The following NR3C1 variants were observed in gnomAD, a reference collection of about 807,000 sequenced individuals.
NR3C1 encodes nuclear receptor subfamily 3 group C member 1, also known as glucocorticoid receptor.
Under a neutral mutation model 74.0 loss-of-function variants are expected in NR3C1, and 14 were observed. The ratio of observed to expected loss-of-function variants is 0.19; its 90% CI spans 0.12 to 0.30. The LOEUF is 0.30. Among genes scored for constraint, NR3C1 ranks in the 10% least tolerant of loss-of-function variants. The pLI is 1.00. For missense variants in NR3C1, 695 were observed against 909.8 expected, an observed-to-expected ratio of 0.76 and a Z score of 3.04; for synonymous variants, 308 against 332.5, an observed-to-expected ratio of 0.93 and a Z score of 0.80.
At chr5:143,357,208 A>T (rs1306854111) in intron 2 of NR3C1, among the ~76,000 whole-genome samples, 2 of 152,206 alleles carry the variant, frequency 1.3e-5, no homozygotes, top group African/African-American at 4.8e-5. Context: ...TCAACATGGT[A>T]AATAGCTTGA....
intron 4 of NR3C1, among the ~76,000 whole-genome samples, chr5:143,308,164 C>A (rs1820065769): frequency 1.3e-5 from 2 of 152,092 alleles, no homozygotes; most frequent in East Asian, 1.9e-4. Context: ...TCTCTCCTAT[C>A]AAAAGAACCA....
chr5:143,340,118 A>T (rs1474785519), intron 2 of NR3C1, among the ~76,000 whole-genome samples: 1 of 152,164 alleles, frequency 6.6e-6, no homozygotes, highest in Admixed American at 6.5e-5. Flanking sequence ...TATACACAAT[A>T]GATATGGGAC....
At chr5:143,415,863 C>G in intron 1 of NR3C1, among the ~76,000 whole-genome samples, 1 of 152,144 alleles carries the variant, frequency 6.6e-6, no homozygotes. Flanking sequence ...CACTACAGCT[C>G]ATTTTCTACT....
chr5:143,425,691 G>A (rs958552289), intron 1 of NR3C1, among the ~76,000 whole-genome samples: 1 of 151,898 alleles, frequency 6.6e-6, no homozygotes, highest in Non-Finnish European at 1.5e-5. Context: ...TACCCACTAG[G>A]ACAGCAATAA....
Position 143,365,432 on chromosome 5 carries a change from C to T in NR3C1, c.1184+34224G>A, listed in dbSNP as rs560750922. On this transcript the variant is annotated intron_variant, in intron 2 of 8. Coordinates refer to ENST00000394464, the MANE Select transcript of NR3C1 (RefSeq NM_000176.3). Reference sequence around the variant, plus strand: ...TAAGATAAAAATTGTTCTTATAGGGCACTGTATAATGATAAAAGAATCAAT... The same window carrying T: ...TAAGATAAAAATTGTTCTTATAGGGTACTGTATAATGATAAAAGAATCAAT... Among the ~76,000 whole-genome samples the T allele has an allele frequency of 2.6e-5, 4 of 152,216 alleles. No individual in the cohort carries two copies. In the East Asian group the frequency reaches 5.8e-4, roughly 22 times the overall value.
Position 143,294,122 on chromosome 5 carries a change from AAC to A in NR3C1, c.2023+1336_2023+1337del. ...TTTTGTTGAGCAAAAATAGTGTGAA[AAC>A]ATTAAGATGAATGTGCGCTTTGGAA... On this transcript the variant is annotated intron_variant, in intron 7 of 8. Transcript: ENST00000394464. The A allele has an allele frequency of 5.1e-6, 5 of 985,172 alleles. No homozygotes were observed. In the South Asian group the frequency reaches 2.3e-4, roughly 46 times the overall value. The allele number at this position is 985,172 out of a possible 1,614,324, so 61.0% of individuals were successfully genotyped here.
At chr5:143,383,178 T>G (rs1340901241) in intron 2 of NR3C1, among the ~76,000 whole-genome samples, 1 of 152,230 alleles carries the variant, frequency 6.6e-6, no homozygotes, top group Non-Finnish European at 1.5e-5. Flanking sequence ...CAACTAAAGC[T>G]TTGTCCACTG....
chr5:143,329,924 T>C (rs1412669299), intron 2 of NR3C1, among the ~76,000 whole-genome samples: 2 of 152,212 alleles, frequency 1.3e-5, no homozygotes, highest in Non-Finnish European at 2.9e-5. Context: ...TACTAAAAAA[T>C]GTATTGTGGT....
In NR3C1 at chr5:143,333,117, C is replaced by T. The variant is rs964906803; in HGVS notation, c.1185-18949G>A. On this transcript the variant is annotated intron_variant, in intron 2 of 8. Coordinates refer to ENST00000394464, the MANE Select transcript of NR3C1 (RefSeq NM_000176.3). ...TTTCCAGGAGATCTCATGGTTCTTGCGCCCTTTCCACCTCTCAGTGGCCCA... is the reference window on the plus strand; with the variant it reads ...TTTCCAGGAGATCTCATGGTTCTTGTGCCCTTTCCACCTCTCAGTGGCCCA... 3.0e-5 allele frequency: 48 copies of T among 1,592,178 alleles called. No homozygotes were observed. The Middle Eastern group carries it at 1.4e-3, about 45-fold the overall frequency.
At chr5:143,349,775 T>C (rs1352395309) in intron 2 of NR3C1, among the ~76,000 whole-genome samples, 2 of 152,076 alleles carry the variant, frequency 1.3e-5, no homozygotes, top group African/African-American at 4.8e-5. Context: ...GAACCTTTGC[T>C]CTCCCAAAAC....
At chr5:143,423,981 A>T (rs1207009370) in intron 1 of NR3C1, among the ~76,000 whole-genome samples, 2 of 144,516 alleles carry the variant, frequency 1.4e-5, no homozygotes, top group African/African-American at 5.1e-5. Flanking sequence ...GTTTAACCGC[A>T]TATTCTCACT....
In NR3C1 at chr5:143,281,890, C is replaced by A; in HGVS notation, c.2333G>T (p.Ter778LeuextTer3). The A allele has an allele frequency of 6.2e-7, 1 of 1,613,032 alleles. No individual in the cohort carries two copies. The highest frequency in any genetic ancestry group is 8.5e-7 in the Non-Finnish European group (1 of 1,179,344). The stretch of plus-strand genomic sequence containing the variant: ...AGGCAACCATTCTTATTAAGGCAGT[C>A]ACTTTTGATGAAACAGAAGTTTTTT... ...NIKKLLFHQK[*>L] Residue 778 changes from the stop codon to leucine, a stop_lost, in exon 9 of 9, where the codon TGA (stop) becomes TTA (leucine). Coordinates refer to ENST00000394464, the MANE Select transcript of NR3C1 (RefSeq NM_000176.3).
intron 1 of NR3C1, among the ~76,000 whole-genome samples, chr5:143,421,245 C>T (rs1751214754): frequency 6.6e-6 from 1 of 152,144 alleles, no homozygotes; most frequent in Non-Finnish European, 1.5e-5. Context: ...TCCTAACACT[C>T]CTGCCAAAGT....
chr5:143,397,473 T>G (rs1414762505), intron 2 of NR3C1, among the ~76,000 whole-genome samples: 1 of 151,906 alleles, frequency 6.6e-6, no homozygotes, highest in Non-Finnish European at 1.5e-5. Flanking sequence ...ACTAATTCAA[T>G]GATGGTTTAA....
chr5:143,416,611 C>G (rs1238910893), intron 1 of NR3C1, among the ~76,000 whole-genome samples: 4 of 152,140 alleles, frequency 2.6e-5, no homozygotes, highest in African/African-American at 9.7e-5. Flanking sequence ...CCTCTTCAGC[C>G]AGCTGGAGTT....
intron 1 of NR3C1, among the ~76,000 whole-genome samples, chr5:143,429,112 A>G (rs1157728184): frequency 6.6e-6 from 1 of 152,214 alleles, no homozygotes; most frequent in Admixed American, 6.5e-5. Flanking sequence ...ATAAATAACA[A>G]TGATAATAAT....
chr5:143,433,162 C>T (rs982551061), intron 1 of NR3C1, among the ~76,000 whole-genome samples: 1 of 151,838 alleles, frequency 6.6e-6, no homozygotes, highest in African/African-American at 2.4e-5. Flanking sequence ...ATGATATACC[C>T]CAAAGGCAAC....
intron 2 of NR3C1, among the ~76,000 whole-genome samples, chr5:143,360,732 C>A (rs549895288): frequency 1.2e-4 from 18 of 152,286 alleles, no homozygotes; most frequent in African/African-American, 4.1e-4. Flanking sequence ...GGACACTGTT[C>A]CACCTAATGA....
chr5:143,307,309 G>A (rs1036090088), intron 4 of NR3C1, among the ~76,000 whole-genome samples: 4 of 152,148 alleles, frequency 2.6e-5, no homozygotes, highest in African/African-American at 9.7e-5. Flanking sequence ...GTCACTGCCT[G>A]GGGTCGTCTT....
Sources: allele counts gnomAD v4.1 joint callset (sites outside exome capture counted in the v4.1 genomes callset), GRCh38; gene constraint gnomAD v4.1.1; transcripts MANE v1.5; gene names NCBI Gene and HGNC (gene_info 2026-07-23, HGNC 2026-07-21).